Variants in RAD51B observed in about 807,000 individuals in gnomAD.
RAD51B encodes DNA repair protein RAD51 homolog 2.
Under a neutral mutation model 42.2 loss-of-function variants are expected in RAD51B, and 38 were observed. The ratio of observed to expected loss-of-function variants is 0.90; its 90% CI spans 0.70 to 1.18. The LOEUF (loss-of-function observed/expected upper bound fraction) is 1.18, where lower values mean the gene tolerates loss of function less well. Ranked by LOEUF, RAD51B falls within the 50% of genes most tolerant of loss-of-function variation. The pLI is 0.00. For missense variants in RAD51B, 373 were observed against 400.7 expected (o/e 0.93, Z 0.59); for synonymous variants, 154 against 145.2 (o/e 1.06, Z -0.43).
At chr14:68,596,545 C>CT (rs936137298), downstream of RAD51B, among the ~76,000 whole-genome samples, 134 of 152,078 alleles carry the variant, frequency 8.8e-4, 1 homozygote, top group Admixed American at 7.9e-3. Flanking sequence ...GACAATTCAG[C>CT]TTTTTTTTGT....
intron 7 of RAD51B, among the ~76,000 whole-genome samples, chr14:67,978,201 T>A (rs950373775): frequency 1.2e-4 from 19 of 152,174 alleles, no homozygotes; most frequent in South Asian, 1.0e-3. Flanking sequence ...AAAGATTTTT[T>A]TTTATTTATT....
intron 8 of RAD51B, among the ~76,000 whole-genome samples, chr14:68,299,308 C>G (rs1442796766): frequency 6.6e-6 from 1 of 151,980 alleles, no homozygotes; most frequent in East Asian, 1.9e-4. Flanking sequence ...CCCTCCTTAT[C>G]CATGAGTTCT....
At chr14:68,635,151 TC>T (rs945254234) in intron 10 of RAD51B, among the ~76,000 whole-genome samples, 1 of 151,916 alleles carries the variant, frequency 6.6e-6, no homozygotes, top group East Asian at 1.9e-4. Context: ...CCTCTGAGTA[TC>T]CCCCCCTCAA....
intron 7 of RAD51B, among the ~76,000 whole-genome samples, chr14:68,160,163 C>T (rs768642023): frequency 7.9e-5 from 12 of 152,168 alleles, no homozygotes; most frequent in Non-Finnish European, 1.8e-4. Flanking sequence ...GTAACATACT[C>T]ACTGTGATTT....
intron 10 of RAD51B, among the ~76,000 whole-genome samples, chr14:68,590,967 G>A (rs1449859494): frequency 2.0e-5 from 3 of 152,146 alleles, no homozygotes; most frequent in African/African-American, 7.2e-5. Flanking sequence ...GATGGGCCAG[G>A]CAGCCATGGA....
At chr14:68,529,170 A>G (rs1887117971) in intron 10 of RAD51B, among the ~76,000 whole-genome samples, 1 of 152,204 alleles carries the variant, frequency 6.6e-6, no homozygotes, top group South Asian at 2.1e-4. Flanking sequence ...ACTCACTTCT[A>G]AAAATGAAAC....
At chr14:67,850,813 A>T (rs962723324) in intron 4 of RAD51B, among the ~76,000 whole-genome samples, 1 of 152,148 alleles carries the variant, frequency 6.6e-6, no homozygotes, top group Admixed American at 6.5e-5. Context: ...GGGGTGCTAC[A>T]CAAGCCCCTT....
chr14:68,156,570 A>G (rs1308464763), intron 7 of RAD51B, among the ~76,000 whole-genome samples: 1 of 151,104 alleles, frequency 6.6e-6, no homozygotes, highest in African/African-American at 2.4e-5. Context: ...TGCATGCAGT[A>G]TGCCCAGAAG....
intron 4 of RAD51B, among the ~76,000 whole-genome samples, chr14:67,862,042 G>A (rs2042180658): frequency 6.6e-6 from 1 of 151,954 alleles, no homozygotes. Flanking sequence ...TTAGACAGTA[G>A]GAATAAATTT....
chr14:68,373,790 AAG>A (rs1176167285), intron 8 of RAD51B, among the ~76,000 whole-genome samples: 18 of 152,336 alleles, frequency 1.2e-4, no homozygotes, highest in African/African-American at 4.1e-4. Flanking sequence ...TATAATAAAT[AAG>A]AATTTTTAAA....
intron 7 of RAD51B, among the ~76,000 whole-genome samples, chr14:68,049,503 T>G (rs374844118): frequency 8.0e-4 from 122 of 152,270 alleles, no homozygotes; most frequent in African/African-American, 2.6e-3. Flanking sequence ...TTGCACTGAT[T>G]GCAAACCTAT....
At position 68,635,555 on chromosome 14, in the gene RAD51B, CAT is replaced by C. The variant is rs1207513323; in HGVS notation, c.1037-15224_1037-15223del. ...ATTTTATTTGAAATCTAATTTATAT[CAT>C]AGTTATTTAATATAATTAATATATA... is the stretch of plus-strand genomic sequence containing the variant. On this transcript the variant is annotated intron_variant, in intron 10 of 11. Transcript: ENST00000488612. 2.0e-5 allele frequency among the ~76,000 whole-genome samples: 3 copies of C among 151,626 alleles called. No individual in the cohort carries two copies. The South Asian group carries it at 6.2e-4, about 31-fold the overall frequency.
At chr14:67,893,343 T>C (rs2043277575) in intron 7 of RAD51B, among the ~76,000 whole-genome samples, 1 of 151,556 alleles carries the variant, frequency 6.6e-6, no homozygotes, top group Admixed American at 6.6e-5. Flanking sequence ...GGAGGTCAGG[T>C]GTGCTGGATC....
At chr14:68,154,402 T>C (rs2078455798) in intron 7 of RAD51B, among the ~76,000 whole-genome samples, 1 of 152,218 alleles carries the variant, frequency 6.6e-6, no homozygotes, top group South Asian at 2.1e-4. Context: ...TAGGCATTAT[T>C]CTTGGTCCTG....
chr14:68,554,858 T>G (rs974579163), intron 10 of RAD51B, among the ~76,000 whole-genome samples: 1 of 151,496 alleles, frequency 6.6e-6, no homozygotes, highest in African/African-American at 2.4e-5. Context: ...TAAAAAGTTT[T>G]TTTTTTTTTT....
intron 7 of RAD51B, among the ~76,000 whole-genome samples, chr14:67,950,848 G>A (rs1348741563): frequency 1.3e-5 from 2 of 151,992 alleles, no homozygotes; most frequent in Admixed American, 6.6e-5. Flanking sequence ...GAAATGTAGA[G>A]TTATTAAATG....
At chr14:68,542,803 G>A (rs1888037057) in intron 10 of RAD51B, among the ~76,000 whole-genome samples, 2 of 152,206 alleles carry the variant, frequency 1.3e-5, no homozygotes, top group South Asian at 4.1e-4. Context: ...TCTACAGGAT[G>A]GATTTCAAAC....
chr14:68,243,433 T>C (rs910378131), intron 7 of RAD51B, among the ~76,000 whole-genome samples: 3 of 152,240 alleles, frequency 2.0e-5, no homozygotes, highest in African/African-American at 7.2e-5. Context: ...CTAAGAATTA[T>C]TGAGTAACAT....
At chr14:67,916,018 T>A (rs1454384836) in intron 7 of RAD51B, among the ~76,000 whole-genome samples, 1 of 152,320 alleles carries the variant, frequency 6.6e-6, no homozygotes, top group African/African-American at 2.4e-5. Flanking sequence ...TAATATATCA[T>A]GTACCACAAA....
Sources: gnomAD v4.1 joint callset for allele counts (sites outside exome capture counted in the v4.1 genomes callset) on GRCh38, gnomAD v4.1.1 for gene constraint, MANE v1.5 for transcripts, NCBI Gene and HGNC (gene_info 2026-07-23, HGNC 2026-07-21) for gene names.